The following ZC3H12B variants were observed in gnomAD, a reference collection of about 807,000 sequenced individuals.
ZC3H12B encodes the protein probable ribonuclease ZC3H12B.
ZC3H12B carries 7 observed loss-of-function variants against 43.9 expected under a neutral mutation model. That is an observed-to-expected ratio of 0.16 (90% confidence interval 0.09 to 0.30). The LOEUF is 0.30. Ranked by LOEUF, ZC3H12B falls within the 10% of genes least tolerant of loss-of-function variation. The pLI is 1.00. For missense variants in ZC3H12B, 475 were observed against 670.2 expected (o/e 0.71, Z 3.22); for synonymous variants, 222 against 241.7 (o/e 0.92, Z 0.76).
the ZC3H12B span, among the ~76,000 whole-genome samples, chrX:65,150,224 G>A: frequency 9.0e-6 from 1 of 110,575 alleles, no homozygotes; most frequent in African/African-American, 3.3e-5. Context: ...AAGGTGGCAG[G>A]AATCTTCAAG....
At chrX:65,212,473 TA>T in the ZC3H12B span, among the ~76,000 whole-genome samples, 11 of 67,753 alleles carry the variant, frequency 1.6e-4, no homozygotes, top group African/African-American at 7.0e-4. Context: ...AATATAATTA[TA>T]TAAATAATAT....
At chrX:65,081,025 C>T in the ZC3H12B span, among the ~76,000 whole-genome samples, 4 of 107,363 alleles carry the variant, frequency 3.7e-5, no homozygotes, top group Admixed American at 1.0e-4. Flanking sequence ...TTTCTTTCTG[C>T]TTTTTTTTAA....
At chrX:65,133,007 G>T in the ZC3H12B span, among the ~76,000 whole-genome samples, 1 of 111,446 alleles carries the variant, frequency 9.0e-6, no homozygotes, top group Non-Finnish European at 1.9e-5. Context: ...CCGATTTCCA[G>T]TGGGGTCCTG....
the ZC3H12B span, among the ~76,000 whole-genome samples, chrX:65,143,418 G>A: frequency 1.8e-5 from 2 of 110,817 alleles, no homozygotes; most frequent in African/African-American, 6.6e-5. Flanking sequence ...GCTGGATTTT[G>A]TCAAACCCTT....
At chrX:65,042,883 T>G in the ZC3H12B span, among the ~76,000 whole-genome samples, 2 of 112,087 alleles carry the variant, frequency 1.8e-5, no homozygotes, top group African/African-American at 6.5e-5. Context: ...TCTCTTCTCC[T>G]TCAACACCCC....
At chrX:65,161,487 T>G in the ZC3H12B span, among the ~76,000 whole-genome samples, 1 of 112,095 alleles carries the variant, frequency 8.9e-6, no homozygotes, top group Non-Finnish European at 1.9e-5. Context: ...TAGCTCTTCT[T>G]GTTGAATTGA....
chrX:65,449,254 G>C (rs368675938), intron 3 of ZC3H12B, among the ~76,000 whole-genome samples: 4 of 110,706 alleles, frequency 3.6e-5, no homozygotes, highest in Non-Finnish European at 7.6e-5. Context: ...CATGGCACAC[G>C]TTTATCTATG....
At chrX:65,354,513 G>T in the ZC3H12B span, among the ~76,000 whole-genome samples, 1 of 111,680 alleles carries the variant, frequency 9.0e-6, no homozygotes, top group East Asian at 2.8e-4. Flanking sequence ...AAAAACCAGC[G>T]CAAAAAGTCT....
chrX:65,244,727 CAAAA>C, the ZC3H12B span, among the ~76,000 whole-genome samples: 14 of 20,370 alleles, frequency 6.9e-4, no homozygotes, highest in South Asian at 4.7e-3. Context: ...AATACCTTGC[CAAAA>C]AAAAAAAAAA....
intron 2 of ZC3H12B, among the ~76,000 whole-genome samples, chrX:65,385,389 G>T (rs1271586052): frequency 9.0e-6 from 1 of 111,455 alleles, no homozygotes; most frequent in Non-Finnish European, 1.9e-5. Flanking sequence ...GGATTCCTAG[G>T]TATTTTATTC....
At chrX:65,166,140 C>T in the ZC3H12B span, among the ~76,000 whole-genome samples, 6 of 111,081 alleles carry the variant, frequency 5.4e-5, no homozygotes, top group Admixed American at 4.8e-4. Context: ...TGGTGTGCTA[C>T]ACCCATTAAC....
the ZC3H12B span, among the ~76,000 whole-genome samples, chrX:65,321,749 G>A: frequency 2.7e-5 from 3 of 110,023 alleles, no homozygotes; most frequent in African/African-American, 9.9e-5. Context: ...GCAGGGACAT[G>A]GATGGAGCTG....
chrX:65,069,910 A>AT, the ZC3H12B span, among the ~76,000 whole-genome samples: 1 of 110,340 alleles, frequency 9.1e-6, no homozygotes, highest in Non-Finnish European at 1.9e-5. Flanking sequence ...CTGAAGTTTT[A>AT]TTTTTTGTGT....
chrX:65,078,581 T>A, the ZC3H12B span, among the ~76,000 whole-genome samples: 1 of 112,006 alleles, frequency 8.9e-6, no homozygotes, highest in Non-Finnish European at 1.9e-5. Context: ...ACTATAGGAT[T>A]TGACAATATG....
At chrX:65,388,139 G>T (rs2066557043) in intron 2 of ZC3H12B, among the ~76,000 whole-genome samples, 1 of 111,267 alleles carries the variant, frequency 9.0e-6, no homozygotes, top group South Asian at 3.8e-4. Context: ...TCTTCTCGAG[G>T]AGTATCTTTG....
At chrX:65,056,141 G>A in the ZC3H12B span, among the ~76,000 whole-genome samples, 30 of 111,577 alleles carry the variant, frequency 2.7e-4, no homozygotes, top group Admixed American at 2.8e-3. Context: ...GCTTTTGAAC[G>A]TGTTTGCTCT....
At chrX:65,273,526 T>G in the ZC3H12B span, among the ~76,000 whole-genome samples, 1 of 111,048 alleles carries the variant, frequency 9.0e-6, no homozygotes. Flanking sequence ...AGGAGTAAAA[T>G]TTTTATTTAA....
At chrX:65,385,773 C>T (rs1569387414) in intron 2 of ZC3H12B, among the ~76,000 whole-genome samples, 1 of 111,900 alleles carries the variant, frequency 8.9e-6, no homozygotes, top group Non-Finnish European at 1.9e-5. Flanking sequence ...ATGACATTGG[C>T]TGTCGGTTTG....
the ZC3H12B span, among the ~76,000 whole-genome samples, chrX:65,360,969 T>A: frequency 8.9e-6 from 1 of 112,108 alleles, no homozygotes; most frequent in Non-Finnish European, 1.9e-5. Context: ...AAATAATATT[T>A]CCCTTTTTTA....
Sources: allele counts gnomAD v4.1 joint callset (sites outside exome capture counted in the v4.1 genomes callset), GRCh38; gene constraint gnomAD v4.1.1; transcripts MANE v1.5; gene names NCBI Gene and HGNC (gene_info 2026-07-23, HGNC 2026-07-21).